Variants in TTLL7 observed in about 807,000 individuals in gnomAD.
TTLL7 encodes tubulin polyglutamylase TTLL7.
A neutral mutation model predicts 120.2 loss-of-function variants in TTLL7; 53 were observed. The observed-to-expected ratio is 0.44, with a 90% confidence interval of 0.35 to 0.55. The LOEUF is 0.55. Ranked by LOEUF, TTLL7 falls within the 20% of genes least tolerant of loss-of-function variation. TTLL7 has a pLI of 0.00. For synonymous variants in TTLL7, 353 were observed against 351.7 expected, an observed-to-expected ratio of 1.00 and a Z score of -0.04; for missense variants, 803 against 1,054.7, an observed-to-expected ratio of 0.76 and a Z score of 3.31.
chr1:83,955,682 T>C (rs189570558), intron 1 of TTLL7, among the ~76,000 whole-genome samples: 1 of 152,324 alleles, frequency 6.6e-6, no homozygotes, highest in Non-Finnish European at 1.5e-5. Flanking sequence ...CGTTTTGTTA[T>C]AGCAGCACAC....
At chr1:83,928,511 T>C (rs115926464) in intron 10 of TTLL7, among the ~76,000 whole-genome samples, 242 of 152,266 alleles carry the variant, frequency 1.6e-3, no homozygotes, top group African/African-American at 5.3e-3. Flanking sequence ...AATCCCATGA[T>C]CATGTACACT....
intron 15 of TTLL7, among the ~76,000 whole-genome samples, chr1:83,909,237 T>C (rs1474403662): frequency 1.3e-5 from 2 of 151,046 alleles, no homozygotes; most frequent in South Asian, 4.2e-4. Context: ...ATATCCTTTG[T>C]CTTGAATCAT....
At chr1:83,963,528 G>A (rs1450265441) in intron 1 of TTLL7, among the ~76,000 whole-genome samples, 1 of 151,500 alleles carries the variant, frequency 6.6e-6, no homozygotes, top group East Asian at 1.9e-4. Context: ...AAACAAATAA[G>A]GAACTTAGAT....
intron 6 of TTLL7, among the ~76,000 whole-genome samples, chr1:83,942,977 C>T (rs1355411652): frequency 6.6e-6 from 1 of 152,156 alleles, no homozygotes; most frequent in Non-Finnish European, 1.5e-5. Context: ...AGCTCAGCAG[C>T]AGCCTTGAAG....
intron 20 of TTLL7, among the ~76,000 whole-genome samples, chr1:83,881,161 C>T (rs1654422034): frequency 6.6e-6 from 1 of 151,474 alleles, no homozygotes; most frequent in East Asian, 1.9e-4. Context: ...TAGGCAATAC[C>T]ATTCAGGACA....
chr1:83,911,485 C>T (rs1657672030), intron 14 of TTLL7, 122 bp from the exon 15 acceptor site: 2 of 750,112 alleles, frequency 2.7e-6, no homozygotes, highest in South Asian at 1.9e-5. Context: ...TGAGAATCCC[C>T]CCAAATACTA....
In TTLL7 at chr1:83,883,140, T is replaced by C. The variant is rs1489663941; in HGVS notation, c.2370-4A>G. 2.5e-6 allele frequency: 4 copies of C among 1,580,162 alleles called. No individual in the cohort carries two copies. The highest frequency in any genetic ancestry group is 3.4e-6 in the Non-Finnish European group (4 of 1,161,948). On this transcript the variant is annotated splice_polypyrimidine_tract_variant and splice_region_variant and intron_variant, in intron 19 of 20. Coordinates refer to ENST00000260505, the MANE Select transcript of TTLL7 (RefSeq NM_024686.6). ...GAATATACTCTCCCAAGAGGATCTG[T>C]TGGCATGGAAACAGACATGATCTCA...
At chr1:83,995,850 T>C (rs1329507088) in intron 1 of TTLL7, among the ~76,000 whole-genome samples, 2 of 152,184 alleles carry the variant, frequency 1.3e-5, no homozygotes, top group Admixed American at 1.3e-4. Flanking sequence ...TTGTTTATTA[T>C]GATGTCATCA....
At chr1:83,966,562 C>T (rs1650479916) in intron 1 of TTLL7, among the ~76,000 whole-genome samples, 1 of 151,928 alleles carries the variant, frequency 6.6e-6, no homozygotes, top group African/African-American at 2.4e-5. Context: ...TAACCACGGC[C>T]TAAACTAAGC....
At chr1:83,984,588 C>T (rs775407274) in intron 1 of TTLL7, among the ~76,000 whole-genome samples, 4 of 152,198 alleles carry the variant, frequency 2.6e-5, no homozygotes, top group Non-Finnish European at 5.9e-5. Context: ...GAATGCTATG[C>T]AGCCATAAAA....
chr1:83,892,499 C>CATAT (rs577255333), intron 18 of TTLL7, among the ~76,000 whole-genome samples: 3 of 99,314 alleles, frequency 3.0e-5, no homozygotes, highest in South Asian at 5.8e-4. Flanking sequence ...TATATATGAA[C>CATAT]ATATGAATGA....
chr1:83,962,944 T>G (rs552957664), intron 1 of TTLL7, among the ~76,000 whole-genome samples: 9 of 152,284 alleles, frequency 5.9e-5, no homozygotes, highest in African/African-American at 2.2e-4. Context: ...CATCTCCTAA[T>G]GGACAACGCT....
At chr1:83,957,259 A>G (rs1043185197) in intron 1 of TTLL7, among the ~76,000 whole-genome samples, 5 of 152,196 alleles carry the variant, frequency 3.3e-5, no homozygotes, top group African/African-American at 1.2e-4. Flanking sequence ...AAACACAAAG[A>G]AAACTCAGAC....
chr1:83,878,001 G>A (rs1435059012), intron 20 of TTLL7, among the ~76,000 whole-genome samples: 1 of 151,556 alleles, frequency 6.6e-6, no homozygotes, highest in Non-Finnish European at 1.5e-5. Context: ...TATTCTACAA[G>A]TTTCATTTCT....
chr1:83,873,093 T>G (rs949575079), intron 20 of TTLL7, among the ~76,000 whole-genome samples: 3 of 152,148 alleles, frequency 2.0e-5, no homozygotes, highest in Non-Finnish European at 4.4e-5. Flanking sequence ...TTCAGAAATA[T>G]GAAGTATAAA....
intron 20 of TTLL7, chr1:83,880,032 G>A (rs1374804619): frequency 1.3e-5 from 2 of 151,856 alleles, no homozygotes; most frequent in African/African-American, 4.8e-5. Flanking sequence ...TTACTTCTTA[G>A]ATTGAAATTT....
chr1:83,899,285 A>G (rs1375219899), intron 18 of TTLL7, among the ~76,000 whole-genome samples: 2 of 151,918 alleles, frequency 1.3e-5, no homozygotes, highest in Non-Finnish European at 2.9e-5. Context: ...TGTTTTGGGA[A>G]GGCCTCTTAA....
At chr1:83,967,551 G>C (rs1442696349) in intron 1 of TTLL7, among the ~76,000 whole-genome samples, 2 of 152,040 alleles carry the variant, frequency 1.3e-5, no homozygotes, top group East Asian at 3.9e-4. Flanking sequence ...GACTGACTCA[G>C]GAATGAGCTA....
At position 83,911,306 on chromosome 1, in the gene TTLL7, T is replaced by C. The variant is rs531612227; in HGVS notation, c.1645A>G (p.Ser549Gly). Residue 549 changes from serine to glycine, a missense_variant, in exon 15 of 21, where the codon AGT becomes GGT. Coordinates refer to ENST00000260505, the MANE Select transcript of TTLL7 (RefSeq NM_024686.6). ...EIMKRPKYCS[S>G]DSSYDSSSSS... The stretch of plus-strand genomic sequence containing the variant: ...CTGCTACTATCATAACTGCTGTCAC[T>C]GCTGCAGTACTTTGGTCTTTTCATT... 1.9e-6 allele frequency: 3 copies of C among 1,613,702 alleles called. No homozygotes were observed. The South Asian group carries it at 3.3e-5, about 18-fold the overall frequency.
Sources: allele counts gnomAD v4.1 joint callset (sites outside exome capture counted in the v4.1 genomes callset), GRCh38; gene constraint gnomAD v4.1.1; transcripts MANE v1.5; gene names NCBI Gene and HGNC (gene_info 2026-07-23, HGNC 2026-07-21).